The following SNAPC4 variants were observed in gnomAD, a reference collection of about 807,000 sequenced individuals.
SNAPC4 encodes snRNA-activating protein complex subunit 4.
A neutral mutation model predicts 151.3 loss-of-function variants in SNAPC4; 127 were observed. That is an observed-to-expected ratio of 0.84 (90% confidence interval 0.73 to 0.97). The LOEUF is 0.97. Among genes scored for constraint, SNAPC4 ranks in the 50% least tolerant of loss-of-function variants. SNAPC4 has a pLI of 0.00. For synonymous variants in SNAPC4, 1,002 were observed against 824.4 expected (o/e 1.22, Z -3.69); for missense variants, 2,186 against 1,935.0 (o/e 1.13, Z -2.43).
intron 22 of SNAPC4, 103 bp from the exon 23 acceptor site, chr9:136,376,584 C>T: frequency 7.1e-7 from 1 of 1,401,984 alleles, no homozygotes. Flanking sequence ...GAGTGTCCCA[C>T]TTGGGACAGG....
chr9:136,392,538 T>C lies in SNAPC4; in HGVS notation c.794A>G (p.Lys265Arg), dbSNP rs985094517. The change falls in exon 9 of 24, where the codon AAG (lysine) becomes AGG (arginine). Residue 265 changes from lysine to arginine, a missense_variant. By Grantham distance (26) the Lys-to-Arg change is conservative. Coordinates refer to ENST00000684778, the MANE Select transcript of SNAPC4 (RefSeq NM_003086.4). The part of the protein sequence containing the change: ...GNRLDSHDWE[K>R]ISNINFEGSR... ...CTGACTTACGTTAATATTGGAAATCTTCTCCCAGTCGTGGCTGTCCAGCCT... is the reference window on the plus strand; with the variant it reads ...CTGACTTACGTTAATATTGGAAATCCTCTCCCAGTCGTGGCTGTCCAGCCT... 16 of 1,613,782 alleles carry C rather than the reference T, an allele frequency of 9.9e-6. No individual in the cohort carries two copies. In the African/African-American group the frequency reaches 2.1e-4, roughly 22 times the overall value.
In SNAPC4 at chr9:136,383,939, A is replaced by G; in HGVS notation, c.1500+14T>C. On this transcript the variant is annotated intron_variant, in intron 15 of 23. Transcript: ENST00000684778. The surrounding 1 kb of genome is among the most constrained non-coding windows in gnomAD (Gnocchi z 4.2). The stretch of plus-strand genomic sequence containing the variant: ...ATTGTCTGGTTTCAGATAAAGAAGG[A>G]GCGAGTGGCTCACCCCCATCATGAT... The G allele has an allele frequency of 6.2e-7, 1 of 1,610,072 alleles. No individual in the cohort carries two copies. Among genetic ancestry groups the G allele is most frequent in the Non-Finnish European group, 8.5e-7 (1 of 1,176,996 alleles).
rs145574364 is a variant in SNAPC4 at position 136,376,905 on chromosome 9, A to T, written c.4285-424T>A. ...AAGGCCCTCTGCCACACTCCCTATG[A>T]CAGGCCCACAGGTCCAGCTGAGGCT... On this transcript the variant is annotated intron_variant, in intron 22 of 23. Coordinates refer to ENST00000684778, the MANE Select transcript of SNAPC4 (RefSeq NM_003086.4). Among the ~76,000 whole-genome samples, 834 of 152,268 alleles carry T rather than the reference A, an allele frequency of 5.5e-3. 5 individuals carry two copies. The highest frequency in any genetic ancestry group is 0.019 in the African/African-American group (791 of 41,554).
rs772477194 is a variant in SNAPC4, at chr9:136,381,811, C to A, written c.2317+13G>T. ...CGCCCCCAGGATGCTCCCAGAGGAG[C>A]CCCAGGCCATACCTTGAGTCTGCAC... is the stretch of plus-strand genomic sequence containing the variant. On this transcript the variant is annotated intron_variant, in intron 18 of 23. Transcript: ENST00000684778. 6.2e-7 allele frequency: 1 copy of A among 1,608,302 alleles called. No homozygotes were observed. The highest frequency in any genetic ancestry group is 1.7e-5 in the Admixed American group (1 of 59,882).
intron 7 of SNAPC4, 108 bp downstream of exon 7, chr9:136,394,141 C>A: frequency 1.1e-6 from 1 of 900,614 alleles, no homozygotes; most frequent in Non-Finnish European, 1.9e-6. Flanking sequence ...TGGGCTTGAA[C>A]TGGGTTCAAG....
At chr9:136,376,205 C>A (rs1833438666) in intron 23 of SNAPC4, 144 bp downstream of exon 23, 1 of 930,400 alleles carries the variant, frequency 1.1e-6, no homozygotes, top group South Asian at 1.8e-5. Flanking sequence ...CCTGGAGGGC[C>A]TCCATGACCC....
intron 18 of SNAPC4, 147 bp downstream of exon 18, chr9:136,381,677 G>C: frequency 1.0e-6 from 1 of 977,896 alleles, no homozygotes; most frequent in South Asian, 1.6e-5. Flanking sequence ...CTTCAGGGAC[G>C]GGAAGCTGAC....
intron 10 of SNAPC4, 116 bp downstream of exon 10, chr9:136,391,824 CAT>C: frequency 1.8e-6 from 2 of 1,125,214 alleles, no homozygotes; most frequent in South Asian, 3.1e-5. Flanking sequence ...GGTGGCAACA[CAT>C]AGAAACCTGG....
intron 13 of SNAPC4, among the ~76,000 whole-genome samples, chr9:136,387,018 T>C (rs1833912331): frequency 6.6e-6 from 1 of 152,250 alleles, no homozygotes; most frequent in Admixed American, 6.5e-5. Context: ...GTACTGGGAT[T>C]ACAGGCGTGA....
rs1159496972 is a variant in SNAPC4, at chr9:136,378,594, C to G, written c.3233G>C (p.Trp1078Ser). The G allele has an allele frequency of 6.3e-7, 1 of 1,582,966 alleles. No homozygotes were observed. The highest frequency in any genetic ancestry group is 1.3e-5 in the African/African-American group (1 of 74,476). Residue 1078 changes from tryptophan to serine, a missense_variant, in exon 22 of 24, where the codon TGG (tryptophan) becomes TCG (serine). By Grantham distance (177) the Trp-to-Ser change is radical (BLOSUM62 -3). Transcript: ENST00000684778. Reference protein sequence around the residue: ...VATSVPLPVTWVLTAQGLLPV... With the variant: ...VATSVPLPVTSVLTAQGLLPV... The stretch of plus-strand genomic sequence containing the variant: ...GAGAAGCCCCTGGGCTGTGAGCACC[C>G]AGGTGACAGGCAGGGGGACACTGGT...
rs369488221 is a variant in SNAPC4, at chr9:136,378,140, C to G, written c.3687G>C (p.Gln1229His). Residue 1229 changes from glutamine to histidine, a missense_variant, in exon 22 of 24, where the codon CAG becomes CAC. Gln to His is a conservative substitution (Grantham distance 24). Transcript: ENST00000684778. ...RGTPGSPSGTQEPRGPLGLEK... is the reference protein window; with the variant it reads ...RGTPGSPSGTHEPRGPLGLEK... ...CCAGGCCCAGAGGCCCCCTGGGCTC[C>G]TGTGTCCCTGAGGGGGACCCCGGCG... 2.1e-5 allele frequency: 34 copies of G among 1,608,364 alleles called. No individual in the cohort carries two copies. The highest frequency in any genetic ancestry group is 3.3e-4 in the Middle Eastern group (2 of 6,052).
In SNAPC4 at chr9:136,383,352, G is replaced by T; in HGVS notation, c.1817C>A (p.Ala606Asp). 1 of 1,607,910 alleles carries T rather than the reference G, an allele frequency of 6.2e-7. No homozygotes were observed. The highest frequency in any genetic ancestry group is 8.5e-7 in the Non-Finnish European group (1 of 1,177,742). ...ASLSPPKGSS[A>D]SQGGSKEAST... is the part of the protein sequence containing the mutation. ...AGCTTCCTTGCTGCCGCCCTGGCTG[G>T]CACTGGACCCCTTGGGAGGGCTGAG... The change falls in exon 16 of 24, where the codon GCC (alanine) becomes GAC (aspartate). Residue 606 changes from alanine to aspartate, a missense_variant. By Grantham distance (126) the Ala-to-Asp change is moderately radical. Transcript: ENST00000684778. This position sits in a 1 kb window ranked among gnomAD's most constrained non-coding sequence, Gnocchi z 4.2.
At chr9:136,376,076 G>A (rs1010341538) in intron 23 of SNAPC4, among the ~76,000 whole-genome samples, 4 of 152,212 alleles carry the variant, frequency 2.6e-5, no homozygotes, top group Non-Finnish European at 4.4e-5. Flanking sequence ...AGAGCACAGC[G>A]GCCAGGGAGG....
rs780302363 is a variant in SNAPC4 at position 136,378,781 on chromosome 9, C to T, written c.3046G>A (p.Val1016Met). ...APALGPGQISVSCPESGLGQS... is the reference protein window; with the variant it reads ...APALGPGQISMSCPESGLGQS... ...CCGAGACCACTCTCGGGGCAGCTCACAGAGATCTGGCCGGGGCCCAGGGCA... is the reference window on the plus strand; with the variant it reads ...CCGAGACCACTCTCGGGGCAGCTCATAGAGATCTGGCCGGGGCCCAGGGCA... Residue 1016 changes from valine (V) to methionine (M), a missense_variant, in exon 22 of 24, where the codon GTG becomes ATG. Val to Met is a conservative substitution (Grantham distance 21, BLOSUM62 1). Transcript: ENST00000684778. 8 of 1,551,116 alleles carry T rather than the reference C, an allele frequency of 5.2e-6. No homozygotes were observed. The Admixed American group carries it at 1.5e-4, about 29-fold the overall frequency.
chr9:136,379,743 G>A (rs1833618873), intron 21 of SNAPC4, 94 bp downstream of exon 21: 6 of 1,150,798 alleles, frequency 5.2e-6, no homozygotes, highest in Admixed American at 1.9e-5. Context: ...GTGCTGCTTG[G>A]GGGCTGTGGG....
intron 19 of SNAPC4, 91 bp from the exon 20 acceptor site, chr9:136,380,941 A>G (rs1431987857): frequency 2.7e-6 from 2 of 743,730 alleles, no homozygotes; most frequent in Non-Finnish European, 2.3e-6. Flanking sequence ...GGCAGCCCTG[A>G]GGCTGGGGCG....
Position 136,392,149 on chromosome 9 carries a change from A to T in SNAPC4, c.811-43T>A, listed in dbSNP as rs781094287. 3 of 1,606,426 alleles carry T rather than the reference A, an allele frequency of 1.9e-6. No individual in the cohort carries two copies. In the Admixed American group the frequency reaches 5.0e-5, roughly 27 times the overall value. The stretch of plus-strand genomic sequence containing the variant: ...CTCAGCCTTGCAGGCCACTGACCCC[A>T]GGGGCACCCTAGACGCAGCTCCAGG... On this transcript the variant is annotated intron_variant, in intron 9 of 23. Coordinates refer to ENST00000684778, the MANE Select transcript of SNAPC4 (RefSeq NM_003086.4).
At chr9:136,387,695 G>C in intron 12 of SNAPC4, 47 bp downstream of exon 12, 1 of 1,415,124 alleles carries the variant, frequency 7.1e-7, no homozygotes, top group African/African-American at 1.4e-5. Flanking sequence ...GAACACAGCC[G>C]CGTTACCTTC....
chr9:136,387,650 G>T, intron 12 of SNAPC4, 71 bp from the exon 13 acceptor site: 1 of 1,395,600 alleles, frequency 7.2e-7, no homozygotes, highest in South Asian at 1.2e-5. Flanking sequence ...CCTGAACCCA[G>T]TCAGAGAAGG....
Sources: allele counts gnomAD v4.1 joint callset (sites outside exome capture counted in the v4.1 genomes callset), GRCh38; gene constraint gnomAD v4.1.1; non-coding constraint Gnocchi (gnomAD v3.1); transcripts MANE v1.5; gene names NCBI Gene and HGNC (gene_info 2026-07-23, HGNC 2026-07-21).